The following WWC1 variants were observed in gnomAD, a reference collection of about 807,000 sequenced individuals.
WWC1 encodes protein KIBRA.
Under a neutral mutation model 138.4 loss-of-function variants are expected in WWC1, and 55 were observed. The ratio of observed to expected loss-of-function variants is 0.40; its 90% CI spans 0.32 to 0.50. WWC1 has a LOEUF of 0.50. Ranked by LOEUF, WWC1 falls within the 20% of genes least tolerant of loss-of-function variation. The pLI is 0.72. For missense variants in WWC1, 1,226 were observed against 1,420.4 expected, an observed-to-expected ratio of 0.86 and a Z score of 2.20; for synonymous variants, 524 against 564.9, an observed-to-expected ratio of 0.93 and a Z score of 1.03.
chr5:168,386,684 C>T (rs1425216501), intron 3 of WWC1, among the ~76,000 whole-genome samples: 3 of 152,012 alleles, frequency 2.0e-5, no homozygotes, highest in African/African-American at 7.2e-5. Flanking sequence ...CATGAGCCAC[C>T]GTGCCCTCGC....
At chr5:168,363,368 A>G (rs932499653) in intron 1 of WWC1, among the ~76,000 whole-genome samples, 3 of 151,970 alleles carry the variant, frequency 2.0e-5, no homozygotes, top group Non-Finnish European at 4.4e-5. Context: ...TACTAAAAGT[A>G]CAAAAATTAG....
Position 168,454,024 on chromosome 5 carries a change from T to G in WWC1, c.2582T>G (p.Val861Gly), listed in dbSNP as rs28427161. The change falls in exon 18 of 23, where the codon GTG becomes GGG. Residue 861 changes from valine to glycine, a missense_variant. Coordinates refer to ENST00000265293, the MANE Select transcript of WWC1 (RefSeq NM_015238.3). The stretch of plus-strand genomic sequence containing the variant: ...GTAGCCGAGGAAGAGGAGGAGGAGG[T>G]GGAGGAGGAGGAGGGAGAAGAGGAT... The part of the protein sequence containing the change: ...EAVAEEEEEE[V>G]EEEEGEEDVF... 3 of 1,599,638 alleles carry G rather than the reference T, an allele frequency of 1.9e-6. No homozygotes were observed. Among genetic ancestry groups the G allele is most frequent in the East Asian group, 2.3e-5 (1 of 44,432 alleles).
At chr5:168,452,438 T>G (rs923731527) in intron 17 of WWC1, among the ~76,000 whole-genome samples, 2 of 152,146 alleles carry the variant, frequency 1.3e-5, no homozygotes, top group African/African-American at 4.8e-5. Flanking sequence ...ACACCAGGGA[T>G]GCGCATGCAC....
chr5:168,295,533 A>AT (rs1055368124), intron 1 of WWC1, among the ~76,000 whole-genome samples: 1 of 133,600 alleles, frequency 7.5e-6, no homozygotes, highest in Non-Finnish European at 1.6e-5. Flanking sequence ...TTTGCCTTGG[A>AT]TTTTTCCTTA....
chr5:168,409,904 T>G lies in WWC1; in HGVS notation c.868-18T>G. On this transcript the variant is annotated intron_variant, in intron 7 of 22. Coordinates refer to ENST00000265293, the MANE Select transcript of WWC1 (RefSeq NM_015238.3). ...CCACAACAGCCACATAATTCCTGAC[T>G]TTGTTCTTCTCCTCCAGTTCGGCAT... 1.2e-6 allele frequency: 2 copies of G among 1,613,848 alleles called. No homozygotes were observed.
At chr5:168,397,438 T>C (rs1283720593) in intron 3 of WWC1, among the ~76,000 whole-genome samples, 2 of 152,210 alleles carry the variant, frequency 1.3e-5, no homozygotes, top group African/African-American at 4.8e-5. Flanking sequence ...CCACTGTGCC[T>C]GGCCCCAAAT....
intron 3 of WWC1, among the ~76,000 whole-genome samples, chr5:168,385,719 A>G (rs1406178281): frequency 2.0e-5 from 3 of 152,232 alleles, no homozygotes; most frequent in Non-Finnish European, 2.9e-5. Context: ...TAACGAGTAC[A>G]GAGTTTCAGT....
In WWC1 at chr5:168,454,122, G is replaced by A. The variant is rs1378526808; in HGVS notation, c.2658+22G>A. The A allele has an allele frequency of 4.4e-6, 7 of 1,607,776 alleles. No homozygotes were observed. In the East Asian group the frequency reaches 1.6e-4, roughly 36 times the overall value. On this transcript the variant is annotated intron_variant, in intron 18 of 22. Coordinates refer to ENST00000265293, the MANE Select transcript of WWC1 (RefSeq NM_015238.3). ...AAAGGTAGGAAGGGCTGGGGGGATAGAAGGGCTGTCGTGGGGAAGGAACCT... is the reference window on the plus strand; with the variant it reads ...AAAGGTAGGAAGGGCTGGGGGGATAAAAGGGCTGTCGTGGGGAAGGAACCT...
At chr5:168,442,685 A>C (rs1194883195) in intron 16 of WWC1, among the ~76,000 whole-genome samples, 1 of 151,540 alleles carries the variant, frequency 6.6e-6, no homozygotes, top group Non-Finnish European at 1.5e-5. Flanking sequence ...AAAATTCTAA[A>C]AATTAGCCAA....
chr5:168,430,566 G>T (rs1781858275), intron 14 of WWC1, among the ~76,000 whole-genome samples: 1 of 152,226 alleles, frequency 6.6e-6, no homozygotes, highest in Non-Finnish European at 1.5e-5. Flanking sequence ...GAGAAGAATG[G>T]TCACAGTCTG....
chr5:168,329,118 C>A (rs996290896), intron 1 of WWC1, among the ~76,000 whole-genome samples: 5 of 152,198 alleles, frequency 3.3e-5, no homozygotes, highest in Non-Finnish European at 7.3e-5. Flanking sequence ...TTCCTTCCCT[C>A]TTGGTGATAT....
chr5:168,307,773 T>G (rs2152745989), intron 1 of WWC1, among the ~76,000 whole-genome samples: 1 of 151,822 alleles, frequency 6.6e-6, no homozygotes, highest in East Asian at 2.0e-4. Context: ...CCCAGCTAAT[T>G]TTTTGTATTT....
chr5:168,340,003 CTCTT>C (rs924586873), intron 1 of WWC1, among the ~76,000 whole-genome samples: 2,578 of 101,504 alleles, frequency 0.025, 92 homozygotes, highest in African/African-American at 0.072. Context: ...CTCTCTTTCT[CTCTT>C]TCTTTCTTTT....
intron 1 of WWC1, among the ~76,000 whole-genome samples, chr5:168,324,345 A>T (rs1229437354): frequency 1.3e-5 from 2 of 152,182 alleles, no homozygotes; most frequent in Non-Finnish European, 2.9e-5. Flanking sequence ...AGGCAGGAGA[A>T]TCGCTTGAAC....
intron 1 of WWC1, among the ~76,000 whole-genome samples, chr5:168,307,636 G>A (rs201556922): frequency 2.9e-5 from 4 of 137,016 alleles, no homozygotes; most frequent in Non-Finnish European, 4.6e-5. Context: ...ACAGAGTCTC[G>A]CTCTGTTGTT....
intron 1 of WWC1, among the ~76,000 whole-genome samples, chr5:168,328,478 G>C (rs1037035319): frequency 1.3e-5 from 2 of 152,192 alleles, no homozygotes; most frequent in African/African-American, 4.8e-5. Context: ...CCATGCAACT[G>C]TAGTCATTCC....
Position 168,469,091 on chromosome 5 carries a change from G to A in WWC1, c.*74G>A. 5 of 1,581,572 alleles carry A rather than the reference G, an allele frequency of 3.2e-6. No individual in the cohort carries two copies. The highest frequency in any genetic ancestry group is 4.3e-6 in the Non-Finnish European group (5 of 1,151,808). On this transcript the variant is annotated 3_prime_UTR_variant, in exon 23 of 23. Coordinates refer to ENST00000265293, the MANE Select transcript of WWC1 (RefSeq NM_015238.3). ...GACTGTGGCTAAAGTTATTTATGTG[G>A]TGTTATATGAAGGTACTGAGTCACA...
At chr5:168,384,902 A>C (rs766588305) in intron 2 of WWC1, among the ~76,000 whole-genome samples, 7 of 151,632 alleles carry the variant, frequency 4.6e-5, no homozygotes, top group Non-Finnish European at 7.4e-5. Context: ...TTTTTAGTAG[A>C]GACGGAGTTT....
chr5:168,307,065 C>T (rs1382887151), intron 1 of WWC1, among the ~76,000 whole-genome samples: 2 of 152,226 alleles, frequency 1.3e-5, no homozygotes, highest in Non-Finnish European at 2.9e-5. Context: ...CTAATAATTG[C>T]TAATATTTAT....
Sources: gnomAD v4.1 joint callset for allele counts (sites outside exome capture counted in the v4.1 genomes callset) on GRCh38, gnomAD v4.1.1 for gene constraint, MANE v1.5 for transcripts, NCBI Gene and HGNC (gene_info 2026-07-23, HGNC 2026-07-21) for gene names.